RGS10: variants seen among roughly 807,000 people sequenced by gnomAD.
RGS10 encodes regulator of G protein signaling 10, also known as regulator of G-protein signalling 10.
A neutral mutation model predicts 23.5 loss-of-function variants in RGS10; 11 were observed. The observed-to-expected ratio is 0.47, with a 90% CI of 0.29 to 0.77. The LOEUF (loss-of-function observed/expected upper bound fraction) is 0.77. RGS10 is among the 30% of genes least tolerant of loss of function. The pLI is 0.08. For missense variants in RGS10, 180 were observed against 226.3 expected, an observed-to-expected ratio of 0.80 and a Z score of 1.31; for synonymous variants, 77 against 83.2, an observed-to-expected ratio of 0.92 and a Z score of 0.41.
Position 119,528,000 on chromosome 10 carries a change from C to T in RGS10, c.50-576G>A, listed in dbSNP as rs757729496. Among the ~76,000 whole-genome samples the T allele has an allele frequency of 2.4e-4, 36 of 152,154 alleles. No individual in the cohort carries two copies. Among genetic ancestry groups the T allele is most frequent in the Non-Finnish European group, 1.6e-4 (11 of 68,030 alleles). On this transcript the variant is annotated intron_variant, in intron 1 of 4. Coordinates refer to ENST00000369103, the MANE Select transcript of RGS10 (RefSeq NM_001005339.2). This position sits in a 1 kb window ranked among gnomAD's most constrained non-coding sequence, Gnocchi z 4.2. Reference sequence around the variant, plus strand: ...GAGGGTTGCCAGAATACCCAGGCATCAAGATAAATGTCATTTCAGGCAATA... The same window carrying T: ...GAGGGTTGCCAGAATACCCAGGCATTAAGATAAATGTCATTTCAGGCAATA...
chr10:119,535,561 T>C (rs558073113), intron 1 of RGS10, among the ~76,000 whole-genome samples: 3 of 152,348 alleles, frequency 2.0e-5, no homozygotes, highest in South Asian at 2.1e-4. Flanking sequence ...TCTGTAACAC[T>C]CATCGGAGAT....
At chr10:119,504,326 A>G (rs1385810030) in intron 4 of RGS10, among the ~76,000 whole-genome samples, 6 of 152,086 alleles carry the variant, frequency 3.9e-5, no homozygotes, top group Non-Finnish European at 8.8e-5. Context: ...AGTAGCTGTG[A>G]TTACAGGTGT....
At chr10:119,521,128 T>C (rs1163556659) in intron 3 of RGS10, among the ~76,000 whole-genome samples, 2 of 151,986 alleles carry the variant, frequency 1.3e-5, no homozygotes, top group Admixed American at 6.6e-5. Flanking sequence ...CCCAGCACTT[T>C]GGGAGGCTGA....
intron 4 of RGS10, among the ~76,000 whole-genome samples, chr10:119,504,884 C>T (rs907824364): frequency 1.3e-5 from 2 of 152,190 alleles, no homozygotes; most frequent in African/African-American, 4.8e-5. Context: ...AGGGCCCTGC[C>T]AACACCTTGA....
intron 3 of RGS10, among the ~76,000 whole-genome samples, chr10:119,522,672 C>T (rs1177803374): frequency 6.8e-6 from 1 of 147,850 alleles, no homozygotes; most frequent in Admixed American, 7.0e-5. Flanking sequence ...GAGCAGAGAT[C>T]GTGCCACTGC....
intron 3 of RGS10, among the ~76,000 whole-genome samples, chr10:119,520,893 A>C (rs191668590): frequency 6.6e-6 from 1 of 152,292 alleles, no homozygotes; most frequent in African/African-American, 2.4e-5. Flanking sequence ...TCATCATTGG[A>C]AAAGAGACCA....
At chr10:119,511,944 T>C (rs1284581042) in intron 4 of RGS10, among the ~76,000 whole-genome samples, 1 of 152,198 alleles carries the variant, frequency 6.6e-6, no homozygotes, top group Non-Finnish European at 1.5e-5. Flanking sequence ...GTTAGAACTG[T>C]GTGCAAACCA....
At chr10:119,528,572 T>C (rs191310534) in intron 1 of RGS10, among the ~76,000 whole-genome samples, 14 of 152,200 alleles carry the variant, frequency 9.2e-5, no homozygotes, top group Non-Finnish European at 1.6e-4. Flanking sequence ...TAAATATCAT[T>C]TATAGGCTGG....
chr10:119,531,574 T>C (rs1051380817), intron 1 of RGS10, among the ~76,000 whole-genome samples: 1 of 152,214 alleles, frequency 6.6e-6, no homozygotes, highest in Admixed American at 6.5e-5. Flanking sequence ...TGTTCAAATG[T>C]GTTTTCATTT....
chr10:119,515,740 G>T, intron 3 of RGS10, 88 bp from the exon 4 acceptor site: 1 of 1,518,404 alleles, frequency 6.6e-7, no homozygotes, highest in Non-Finnish European at 8.9e-7. Context: ...AGGCCCACAG[G>T]AGCTGCTGTG....
chr10:119,512,160 C>T (rs1273328169), intron 4 of RGS10, among the ~76,000 whole-genome samples: 2 of 152,082 alleles, frequency 1.3e-5, no homozygotes, highest in Non-Finnish European at 2.9e-5. Flanking sequence ...TCGGGGGCGG[C>T]GGTGCTGAAC....
chr10:119,518,911 G>A (rs1432395332), intron 3 of RGS10, among the ~76,000 whole-genome samples: 1 of 152,090 alleles, frequency 6.6e-6, no homozygotes, highest in Non-Finnish European at 1.5e-5. Flanking sequence ...TCACCATGTT[G>A]GCCAGGCTGC....
At chr10:119,537,153 GA>G (rs1346791541) in intron 1 of RGS10, among the ~76,000 whole-genome samples, 1 of 152,204 alleles carries the variant, frequency 6.6e-6, no homozygotes, top group Non-Finnish European at 1.5e-5. Context: ...AGCACTTTGG[GA>G]GGCCGAGGCG....
intron 3 of RGS10, among the ~76,000 whole-genome samples, chr10:119,525,675 A>G (rs2133956098): frequency 6.6e-6 from 1 of 152,342 alleles, no homozygotes; most frequent in Admixed American, 6.5e-5. Context: ...TGCTTTTATC[A>G]TTACACATCT....
chr10:119,499,867 C>A lies in RGS10; in HGVS notation c.*246G>T, dbSNP rs1236929094. On this transcript the variant is annotated 3_prime_UTR_variant, in exon 5 of 5. Transcript: ENST00000369103. ...TTTAATTAAGCTACAAAATGCTCGACGTGTCCAGTGTTGAAGGAATCTCTG... is the reference window on the plus strand; with the variant it reads ...TTTAATTAAGCTACAAAATGCTCGAAGTGTCCAGTGTTGAAGGAATCTCTG... 7.4e-6 allele frequency: 3 copies of A among 405,630 alleles called. No individual in the cohort carries two copies. Among genetic ancestry groups the A allele is most frequent in the Admixed American group, 4.2e-5 (1 of 23,760 alleles). 25.1% of individuals were successfully genotyped at this position (405,630 alleles called of 1,614,324 possible).
At chr10:119,509,052 G>C (rs1844048155) in intron 4 of RGS10, among the ~76,000 whole-genome samples, 1 of 152,168 alleles carries the variant, frequency 6.6e-6, no homozygotes, top group Non-Finnish European at 1.5e-5. Context: ...AGTGAGCCAT[G>C]ATGGTGCCAC....
intron 4 of RGS10, among the ~76,000 whole-genome samples, chr10:119,505,448 G>A (rs1844000062): frequency 6.6e-6 from 1 of 151,106 alleles, no homozygotes. Context: ...GTTGCCTTGG[G>A]ATCCAATCCT....
At position 119,515,933 on chromosome 10, in the gene RGS10, C is replaced by T. The variant is rs148839738; in HGVS notation, c.256-281G>A. Reference sequence around the variant, plus strand: ...AGTGATGACAGAAAGAATCCTGGCCCGCAGAGAGCACTCAGTACCATTTAC... The same window carrying T: ...AGTGATGACAGAAAGAATCCTGGCCTGCAGAGAGCACTCAGTACCATTTAC... On this transcript the variant is annotated intron_variant, in intron 3 of 4. Coordinates refer to ENST00000369103, the MANE Select transcript of RGS10 (RefSeq NM_001005339.2). Among the ~76,000 whole-genome samples, 30 of 152,286 alleles carry T rather than the reference C, an allele frequency of 2.0e-4. 1 individual carries two copies. Among genetic ancestry groups the T allele is most frequent in the African/African-American group, 7.0e-4 (29 of 41,562 alleles).
At position 119,542,648 on chromosome 10, in the gene RGS10, C is replaced by G; in HGVS notation, c.-10G>C. The G allele has an allele frequency of 7.2e-7, 1 of 1,393,484 alleles. No individual in the cohort carries two copies. Among genetic ancestry groups the G allele is most frequent in the Non-Finnish European group, 9.3e-7 (1 of 1,071,140 alleles). The allele number at this position is 1,393,484 out of a possible 1,614,324, so 86.3% of individuals were successfully genotyped here. A position where few individuals can be genotyped will look rare whatever the true frequency, so the allele number is the denominator to read the frequency against. ...CGGCGCGGTTGAACATCGCCGCGGG[C>G]GCCCGAGGAGGAAGAAGGAGCAGCC... is the stretch of plus-strand genomic sequence containing the variant. On this transcript the variant is annotated 5_prime_UTR_variant, in exon 1 of 5. Transcript: ENST00000369103.
Sources: allele counts gnomAD v4.1 joint callset (sites outside exome capture counted in the v4.1 genomes callset), GRCh38; gene constraint gnomAD v4.1.1; non-coding constraint Gnocchi (gnomAD v3.1); transcripts MANE v1.5; gene names NCBI Gene and HGNC (gene_info 2026-07-23, HGNC 2026-07-21).